PDGFC: variants seen among roughly 807,000 people sequenced by gnomAD.
PDGFC encodes platelet derived growth factor C.
Under a neutral mutation model 35.5 loss-of-function variants are expected in PDGFC, and 12 were observed. That is an observed-to-expected ratio of 0.34 (90% CI 0.22 to 0.55). The LOEUF is 0.55. Ranked by LOEUF, PDGFC falls within the 20% of genes least tolerant of loss-of-function variation. PDGFC has a pLI of 0.91. For missense variants in PDGFC, 322 were observed against 412.4 expected (o/e 0.78, Z 1.90); for synonymous variants, 159 against 148.8 (o/e 1.07, Z -0.50).
chr4:156,903,730 T>G (rs146777173), intron 1 of PDGFC, among the ~76,000 whole-genome samples: 1 of 152,136 alleles, frequency 6.6e-6, no homozygotes, highest in East Asian at 1.9e-4. Flanking sequence ...AATTAGTGTG[T>G]CTTCCCAAAT....
chr4:156,919,995 G>A (rs1231834502), intron 1 of PDGFC, among the ~76,000 whole-genome samples: 1 of 152,034 alleles, frequency 6.6e-6, no homozygotes, highest in Non-Finnish European at 1.5e-5. Context: ...ATGAGTTCAT[G>A]CCAGATCAAA....
intron 4 of PDGFC, chr4:156,770,762 C>CA (rs1487801683): frequency 6.6e-6 from 1 of 152,022 alleles, no homozygotes; most frequent in East Asian, 1.9e-4. Flanking sequence ...CGTTTTGCTA[C>CA]AAAAAACAGT....
intron 2 of PDGFC, among the ~76,000 whole-genome samples, chr4:156,812,703 ACTTCAG>A (rs1018151805): frequency 4.6e-5 from 7 of 152,104 alleles, no homozygotes; most frequent in Non-Finnish European, 7.4e-5. Context: ...AACTTAAACT[ACTTCAG>A]CTTCATTTTC....
At chr4:156,969,707 T>C (rs1732548457) in intron 1 of PDGFC, among the ~76,000 whole-genome samples, 3 of 152,170 alleles carry the variant, frequency 2.0e-5, no homozygotes, top group African/African-American at 4.8e-5. Context: ...TTTTGCATGG[T>C]TAATCAAGTG....
chr4:156,968,841 G>T (rs1325229574), intron 1 of PDGFC, among the ~76,000 whole-genome samples: 1 of 152,124 alleles, frequency 6.6e-6, no homozygotes, highest in East Asian at 1.9e-4. Flanking sequence ...TTAGCATCAT[G>T]CATCTTAGGA....
At chr4:156,792,810 C>T (rs939114866) in intron 3 of PDGFC, among the ~76,000 whole-genome samples, 1 of 152,102 alleles carries the variant, frequency 6.6e-6, no homozygotes, top group African/African-American at 2.4e-5. Context: ...AATGAGACAG[C>T]CATCCATAAG....
chr4:156,842,158 C>T (rs1729220076), intron 2 of PDGFC: 1 of 152,062 alleles, frequency 6.6e-6, no homozygotes, highest in Non-Finnish European at 1.5e-5. Flanking sequence ...TTTATAATGT[C>T]AATAATATTG....
intron 1 of PDGFC, among the ~76,000 whole-genome samples, chr4:156,913,932 TG>T (rs1282214600): frequency 6.6e-6 from 1 of 152,176 alleles, no homozygotes; most frequent in Non-Finnish European, 1.5e-5. Flanking sequence ...TGAAAACTCA[TG>T]GGGACTTCTA....
chr4:156,790,532 G>A (rs1478039892), intron 3 of PDGFC, among the ~76,000 whole-genome samples: 3 of 152,266 alleles, frequency 2.0e-5, no homozygotes, highest in South Asian at 2.1e-4. Flanking sequence ...TTCTCCAAAT[G>A]TTGAAACTTT....
chr4:156,963,917 T>C (rs1461979972), intron 1 of PDGFC, among the ~76,000 whole-genome samples: 1 of 150,832 alleles, frequency 6.6e-6, no homozygotes, highest in Non-Finnish European at 1.5e-5. Flanking sequence ...AAAGGTAAAT[T>C]AATAATATTT....
At chr4:156,897,176 C>T (rs192203829) in intron 1 of PDGFC, among the ~76,000 whole-genome samples, 1 of 152,166 alleles carries the variant, frequency 6.6e-6, no homozygotes, top group Non-Finnish European at 1.5e-5. Context: ...TTAAGGTAAA[C>T]AGAGAGACAT....
intron 2 of PDGFC, among the ~76,000 whole-genome samples, chr4:156,848,729 T>TAGAAGTACATATA (rs1378375360): frequency 3.3e-5 from 5 of 152,122 alleles, no homozygotes; most frequent in Middle Eastern, 3.4e-3. Context: ...GTACTTCTTA[T>TAGAAGTACATATA]GAAATTATAG....
intron 3 of PDGFC, among the ~76,000 whole-genome samples, chr4:156,777,512 G>T (rs1285678382): frequency 6.6e-6 from 1 of 152,144 alleles, no homozygotes; most frequent in Non-Finnish European, 1.5e-5. Context: ...ACATAGTAGA[G>T]AGGGAAGACC....
intron 4 of PDGFC, among the ~76,000 whole-genome samples, chr4:156,772,222 C>A (rs1197740974): frequency 1.3e-5 from 2 of 152,046 alleles, no homozygotes; most frequent in Non-Finnish European, 2.9e-5. Context: ...ATTGTCTAGG[C>A]TTAGAAAATG....
At chr4:156,808,460 C>G (rs1296530636) in intron 3 of PDGFC, among the ~76,000 whole-genome samples, 1 of 151,852 alleles carries the variant, frequency 6.6e-6, no homozygotes, top group Non-Finnish European at 1.5e-5. Flanking sequence ...TGAAGTTCAT[C>G]CAGAGCAAAA....
At chr4:156,824,311 T>TACAC (rs1560827424) in intron 2 of PDGFC, among the ~76,000 whole-genome samples, 1 of 45,852 alleles carries the variant, frequency 2.2e-5, no homozygotes, top group African/African-American at 7.1e-5. Flanking sequence ...TATATATATA[T>TACAC]ATATATATAT....
At chr4:156,818,425 C>T (rs1017427378) in intron 2 of PDGFC, among the ~76,000 whole-genome samples, 1 of 151,110 alleles carries the variant, frequency 6.6e-6, no homozygotes, top group Non-Finnish European at 1.5e-5. Flanking sequence ...GAGTTGTGCT[C>T]ATCACTTCCT....
At chr4:156,926,624 A>T (rs1347989695) in intron 1 of PDGFC, among the ~76,000 whole-genome samples, 1 of 152,164 alleles carries the variant, frequency 6.6e-6, no homozygotes. Flanking sequence ...CTCCAAAATG[A>T]TCTCCTTTGA....
chr4:156,954,458 T>C (rs1044995391), intron 1 of PDGFC, among the ~76,000 whole-genome samples: 1 of 151,952 alleles, frequency 6.6e-6, no homozygotes, highest in African/African-American at 2.4e-5. Context: ...ATGAGTTATA[T>C]CTTATGTTAA....
Sources: allele counts gnomAD v4.1 joint callset (sites outside exome capture counted in the v4.1 genomes callset), GRCh38; gene constraint gnomAD v4.1.1; transcripts MANE v1.5; gene names NCBI Gene and HGNC (gene_info 2026-07-23, HGNC 2026-07-21).